MBNL1: variants seen among roughly 807,000 people sequenced by gnomAD.
The protein encoded by MBNL1 is muscleblind-like protein 1.
A neutral mutation model predicts 42.2 loss-of-function variants in MBNL1; 8 were observed. The observed-to-expected ratio is 0.19, with a 90% confidence interval of 0.11 to 0.34. The LOEUF is 0.34. Ranked by LOEUF, MBNL1 falls within the 10% of genes least tolerant of loss-of-function variation. The pLI is 1.00. For missense variants in MBNL1, 309 were observed against 495.3 expected (o/e 0.62, Z 3.57); for synonymous variants, 169 against 173.9 (o/e 0.97, Z 0.22).
At chr3:152,270,084 T>C (rs1178727233) in intron 1 of MBNL1, among the ~76,000 whole-genome samples, 2 of 152,034 alleles carry the variant, frequency 1.3e-5, no homozygotes, top group South Asian at 4.1e-4. Context: ...CAGAGTAATA[T>C]TGTATTCTTA....
At chr3:152,317,804 A>G (rs1383228133) in intron 2 of MBNL1, among the ~76,000 whole-genome samples, 1 of 152,214 alleles carries the variant, frequency 6.6e-6, no homozygotes, top group African/African-American at 2.4e-5. Context: ...CGAGATGTTC[A>G]AAAAGACGAT....
At chr3:152,344,753 C>T (rs577205478) in intron 2 of MBNL1, among the ~76,000 whole-genome samples, 1 of 152,242 alleles carries the variant, frequency 6.6e-6, no homozygotes, top group East Asian at 1.9e-4. Context: ...TTATCACTTA[C>T]ACGTGTACCT....
At chr3:152,359,203 A>G (rs1342559875) in intron 2 of MBNL1, among the ~76,000 whole-genome samples, 4 of 152,248 alleles carry the variant, frequency 2.6e-5, no homozygotes, top group African/African-American at 9.6e-5. Context: ...AACTATATGT[A>G]TTTTGACCTA....
intron 1 of MBNL1, among the ~76,000 whole-genome samples, chr3:152,272,039 T>TTCTC (rs139763690): frequency 0.018 from 2,718 of 147,762 alleles, 38 homozygotes; most frequent in South Asian, 0.048. Flanking sequence ...CCTGTTTCTT[T>TTCTC]TCTCTCTCTC....
At chr3:152,279,768 A>G (rs1027346876) in intron 1 of MBNL1, among the ~76,000 whole-genome samples, 7 of 152,184 alleles carry the variant, frequency 4.6e-5, no homozygotes, top group African/African-American at 1.7e-4. Flanking sequence ...ATGAGGCTAT[A>G]AAATTTTCAC....
At chr3:152,364,931 A>C (rs938956893) in intron 2 of MBNL1, among the ~76,000 whole-genome samples, 1 of 151,724 alleles carries the variant, frequency 6.6e-6, no homozygotes, top group Non-Finnish European at 1.5e-5. Flanking sequence ...TCGATGTACT[A>C]GCAGCTGCAT....
rs537507342 is a variant in MBNL1, at chr3:152,328,907, CATAA to C, written c.174+28544_174+28547del. Among the ~76,000 whole-genome samples the C allele has an allele frequency of 2.0e-5, 3 of 152,250 alleles. No individual in the cohort carries two copies. In the East Asian group the frequency reaches 5.8e-4, roughly 29 times the overall value. On this transcript the variant is annotated intron_variant, in intron 2 of 9. Transcript: ENST00000324210. ...AACTTGACAAAAAAGTTTGCTAATA[CATAA>C]ATATTGGCTATTTTAATCTGTTGAA...
At chr3:152,395,774 C>A (rs2097903009) in intron 2 of MBNL1, among the ~76,000 whole-genome samples, 1 of 152,242 alleles carries the variant, frequency 6.6e-6, no homozygotes, top group Non-Finnish European at 1.5e-5. Context: ...AAGCCTTTAC[C>A]CCAAACAGAT....
chr3:152,395,249 T>C (rs1311213958), intron 2 of MBNL1, among the ~76,000 whole-genome samples: 1 of 152,210 alleles, frequency 6.6e-6, no homozygotes, highest in Non-Finnish European at 1.5e-5. Context: ...TTTTAAAGTT[T>C]AAGATTTTGT....
chr3:152,361,497 A>G (rs916760282), intron 2 of MBNL1, among the ~76,000 whole-genome samples: 13 of 151,300 alleles, frequency 8.6e-5, no homozygotes, highest in Non-Finnish European at 1.6e-4. Flanking sequence ...AAGATACAAG[A>G]TGTTCCAGAA....
intron 2 of MBNL1, among the ~76,000 whole-genome samples, chr3:152,304,681 T>C (rs1431992344): frequency 6.6e-6 from 1 of 152,230 alleles, no homozygotes; most frequent in Admixed American, 6.5e-5. Context: ...AGGCATAACC[T>C]GCGCAGCAGT....
intron 3 of MBNL1, among the ~76,000 whole-genome samples, chr3:152,418,555 A>C (rs1465003860): frequency 6.7e-6 from 1 of 149,828 alleles, no homozygotes; most frequent in Non-Finnish European, 1.5e-5. Flanking sequence ...TTGAGGCTGC[A>C]GTGAGTTTTG....
intron 2 of MBNL1, chr3:152,396,200 G>T: frequency 2.8e-6 from 1 of 362,226 alleles, no homozygotes; most frequent in East Asian, 1.0e-4. Context: ...AACAAGCTCA[G>T]GGCTCCCACT....
At chr3:152,354,470 T>G (rs538421128) in intron 2 of MBNL1, among the ~76,000 whole-genome samples, 4 of 152,086 alleles carry the variant, frequency 2.6e-5, no homozygotes, top group Non-Finnish European at 5.9e-5. Flanking sequence ...AAGAAAAAAT[T>G]ACGTACTTGA....
intron 2 of MBNL1, chr3:152,340,296 T>G: frequency 4.0e-6 from 2 of 503,242 alleles, no homozygotes; most frequent in South Asian, 5.3e-5. Context: ...GGCAATAGAG[T>G]GAGACCTTGT....
At chr3:152,272,574 GTT>G (rs1275019195) in intron 1 of MBNL1, among the ~76,000 whole-genome samples, 13 of 150,248 alleles carry the variant, frequency 8.7e-5, no homozygotes, top group African/African-American at 2.7e-4. Flanking sequence ...TCTTTAGAAA[GTT>G]AAAAAAAAAA....
At chr3:152,399,703 A>G (rs1264082300) in intron 2 of MBNL1, among the ~76,000 whole-genome samples, 2 of 151,988 alleles carry the variant, frequency 1.3e-5, no homozygotes, top group African/African-American at 2.4e-5. Flanking sequence ...GGGTCTCACT[A>G]TGTAGCCTAG....
At chr3:152,344,499 G>A (rs2093894980) in intron 2 of MBNL1, among the ~76,000 whole-genome samples, 1 of 152,108 alleles carries the variant, frequency 6.6e-6, no homozygotes, top group Admixed American at 6.6e-5. Flanking sequence ...GGCACCTGAA[G>A]GAAGGTTGTT....
intron 3 of MBNL1, among the ~76,000 whole-genome samples, chr3:152,421,547 T>C (rs1447565203): frequency 6.6e-6 from 1 of 152,176 alleles, no homozygotes; most frequent in Non-Finnish European, 1.5e-5. Context: ...AAGCCGCTGA[T>C]AAGTTTAAAC....
Sources: allele counts gnomAD v4.1 joint callset (sites outside exome capture counted in the v4.1 genomes callset), GRCh38; gene constraint gnomAD v4.1.1; transcripts MANE v1.5; gene names NCBI Gene and HGNC (gene_info 2026-07-23, HGNC 2026-07-21).